The following FBLN2 variants were observed in gnomAD, a reference collection of about 807,000 sequenced individuals.
FBLN2 encodes the protein fibulin-2.
In FBLN2, 81 loss-of-function variants were observed where a neutral mutation model predicts 123.7. The ratio of observed to expected loss-of-function variants is 0.65; its 90% CI spans 0.55 to 0.79. FBLN2 has a LOEUF of 0.79. Ranked by LOEUF, FBLN2 falls within the 30% of genes least tolerant of loss-of-function variation. FBLN2 has a pLI of 0.00. For synonymous variants in FBLN2, 699 were observed against 701.4 expected, an observed-to-expected ratio of 1.00 and a Z score of 0.05; for missense variants, 1,603 against 1,681.3, an observed-to-expected ratio of 0.95 and a Z score of 0.81.
intron 2 of FBLN2, among the ~76,000 whole-genome samples, chr3:13,576,002 G>C (rs1018271203): frequency 6.6e-6 from 1 of 152,218 alleles, no homozygotes; most frequent in African/African-American, 2.4e-5. Context: ...CACCCAGGAG[G>C]TGCTCGGCAA....
In FBLN2 at chr3:13,609,552, G is replaced by T. The variant is rs377075031; in HGVS notation, c.1458G>T (p.Glu486Asp). 1 of 1,553,170 alleles carries T rather than the reference G, an allele frequency of 6.4e-7. No individual in the cohort carries two copies. The change falls in exon 4 of 18, where the codon GAG (glutamate) becomes GAT (aspartate). Residue 486 changes from glutamate to aspartate, a missense_variant. Coordinates refer to ENST00000404922, the MANE Select transcript of FBLN2 (RefSeq NM_001004019.2). Reference sequence around the variant, plus strand: ...ACTGCTGTGTCTCCTACTTGCAGGAGAAGAGCTGCATGGCCGGCGTCCTGG... The same window carrying T: ...ACTGCTGTGTCTCCTACTTGCAGGATAAGAGCTGCATGGCCGGCGTCCTGG... ...QRHCCVSYLQ[E>D]KSCMAGVLGA...
At chr3:13,616,549 A>G (rs1490891170) in intron 5 of FBLN2, among the ~76,000 whole-genome samples, 1 of 152,176 alleles carries the variant, frequency 6.6e-6, no homozygotes, top group African/African-American at 2.4e-5. Flanking sequence ...ACCGGCTGGG[A>G]CTGATTGGGC....
rs1367642601 is a variant in FBLN2 at position 13,583,308 on chromosome 3, A to T, written c.1306+11647A>T. On this transcript the variant is annotated intron_variant, in intron 2 of 17. Transcript: ENST00000404922. Reference sequence around the variant, plus strand: ...TTATGTGTCGTGACCCCGTGAGGGGATGTCATCATTATGTCCATTTTGTAG... The same window carrying T: ...TTATGTGTCGTGACCCCGTGAGGGGTTGTCATCATTATGTCCATTTTGTAG... Among the ~76,000 whole-genome samples, 5 of 152,370 alleles carry T rather than the reference A, an allele frequency of 3.3e-5. No individual in the cohort carries two copies. The Middle Eastern group carries it at 0.017, about 518-fold the overall frequency.
chr3:13,622,807 C>A (rs1705900011), intron 9 of FBLN2, among the ~76,000 whole-genome samples: 1 of 152,230 alleles, frequency 6.6e-6, no homozygotes, highest in Non-Finnish European at 1.5e-5. Context: ...GAGATAGACC[C>A]AAAGTAGCTG....
intron 1 of FBLN2, among the ~76,000 whole-genome samples, chr3:13,553,709 G>T (rs1703389292): frequency 6.6e-6 from 1 of 152,264 alleles, no homozygotes; most frequent in African/African-American, 2.4e-5. Flanking sequence ...AGGGTGGGGA[G>T]CCTGGCTTTC....
chr3:13,569,507 G>A (rs1297583375), intron 1 of FBLN2, among the ~76,000 whole-genome samples: 6 of 152,056 alleles, frequency 3.9e-5, no homozygotes, highest in South Asian at 2.1e-4. Flanking sequence ...GGTAGAGACC[G>A]TGGGGAGGGA....
rs775178802 is a variant in FBLN2 at position 13,599,474 on chromosome 3, C to T, written c.1307-8588C>T. Among the ~76,000 whole-genome samples, 27 of 152,146 alleles carry T rather than the reference C, an allele frequency of 1.8e-4. 1 individual carries two copies. The highest frequency in any genetic ancestry group is 1.7e-3 in the South Asian group (8 of 4,796). On this transcript the variant is annotated intron_variant, in intron 2 of 17. Transcript: ENST00000404922. ...GGAGGGGAAGTGGGCAGGACCCCAC[C>T]GTGTAGGACTTTGTAAGGAAAGTGG... is the stretch of plus-strand genomic sequence containing the variant.
Position 13,630,014 on chromosome 3 carries a change from C to T in FBLN2, c.2968+69C>T, listed in dbSNP as rs111925991. The T allele has an allele frequency of 2.6e-3, 4,113 of 1,584,238 alleles. 94 individuals carry two copies. In the African/African-American group the frequency reaches 0.045, roughly 17 times the overall value. On this transcript the variant is annotated intron_variant, in intron 14 of 17. Transcript: ENST00000404922. Reference sequence around the variant, plus strand: ...TAGTGGGCAGACCCGCCGTGGAAGGCCCAGAGCCTTCTGTGACCCTTCACC... The same window carrying T: ...TAGTGGGCAGACCCGCCGTGGAAGGTCCAGAGCCTTCTGTGACCCTTCACC...
intron 1 of FBLN2, chr3:13,569,073 A>C: frequency 1.0e-6 from 1 of 986,316 alleles, no homozygotes; most frequent in South Asian, 4.7e-5. Flanking sequence ...GCTGTCTATA[A>C]GAGTCAGGTA....
intron 1 of FBLN2, among the ~76,000 whole-genome samples, chr3:13,550,313 C>T (rs934412786): frequency 5.3e-5 from 8 of 152,228 alleles, no homozygotes; most frequent in African/African-American, 1.7e-4. Flanking sequence ...TCCTCACCTC[C>T]GTGCATCCTC....
chr3:13,596,142 G>A (rs1704834241), intron 2 of FBLN2, among the ~76,000 whole-genome samples: 1 of 152,178 alleles, frequency 6.6e-6, no homozygotes, highest in Admixed American at 6.5e-5. Flanking sequence ...TATAGCATCA[G>A]TTTTGCTTTG....
At chr3:13,582,379 G>A (rs1198608347) in intron 2 of FBLN2, among the ~76,000 whole-genome samples, 4 of 152,180 alleles carry the variant, frequency 2.6e-5, no homozygotes, top group Non-Finnish European at 5.9e-5. Context: ...GGGCAATGTC[G>A]GCATCCTCTA....
intron 1 of FBLN2, among the ~76,000 whole-genome samples, chr3:13,562,356 C>CTTTT (rs377434279): frequency 7.4e-6 from 1 of 135,164 alleles, no homozygotes. Context: ...ATGAAGTTTA[C>CTTTT]TTTTTTTTTT....
intron 2 of FBLN2, among the ~76,000 whole-genome samples, chr3:13,579,480 AACC>A (rs1260239491): frequency 6.6e-6 from 1 of 152,258 alleles, no homozygotes; most frequent in African/African-American, 2.4e-5. Flanking sequence ...CACACTTGAG[AACC>A]ACTGGTCAGT....
intron 16 of FBLN2, 41 bp from the exon 17 acceptor site, chr3:13,636,404 C>G: frequency 6.2e-7 from 1 of 1,606,858 alleles, no homozygotes; most frequent in Non-Finnish European, 8.5e-7. Flanking sequence ...GCTGGGTCCC[C>G]CAGCTGTGGG....
At chr3:13,594,277 C>T (rs549997982) in intron 2 of FBLN2, among the ~76,000 whole-genome samples, 182 of 152,222 alleles carry the variant, frequency 1.2e-3, no homozygotes, top group African/African-American at 4.2e-3. Flanking sequence ...GACCCACTTG[C>T]CCGGGCTTGA....
intron 1 of FBLN2, among the ~76,000 whole-genome samples, chr3:13,567,638 G>T (rs1018264309): frequency 6.6e-6 from 1 of 152,090 alleles, no homozygotes; most frequent in Non-Finnish European, 1.5e-5. Context: ...GATTACAGGC[G>T]TGAGCCACCT....
intron 9 of FBLN2, among the ~76,000 whole-genome samples, chr3:13,622,764 AC>A (rs1705898847): frequency 6.6e-6 from 1 of 152,160 alleles, no homozygotes; most frequent in South Asian, 2.1e-4. Context: ...AGAACTGTAA[AC>A]CCTTGTGTCC....
intron 17 of FBLN2, 135 bp downstream of exon 17, chr3:13,636,703 C>T: frequency 9.3e-7 from 1 of 1,072,098 alleles, no homozygotes; most frequent in Non-Finnish European, 1.3e-6. Context: ...GGTCTGTGGG[C>T]TAGGTGACCA....
Sources: gnomAD v4.1 joint callset for allele counts (sites outside exome capture counted in the v4.1 genomes callset) on GRCh38, gnomAD v4.1.1 for gene constraint, MANE v1.5 for transcripts, NCBI Gene and HGNC (gene_info 2026-07-23, HGNC 2026-07-21) for gene names.